Variants in IL5RA observed in about 807,000 individuals in gnomAD.
The protein encoded by IL5RA is interleukin-5 receptor subunit alpha.
IL5RA carries 49 observed loss-of-function variants against 50.0 expected under a neutral mutation model. The observed-to-expected ratio is 0.98, with a 90% CI of 0.78 to 1.24. The LOEUF (loss-of-function observed/expected upper bound fraction) is 1.24. Among genes scored for constraint, IL5RA ranks in the 50% most tolerant of loss-of-function variants. The pLI is 0.00. For missense variants in IL5RA, 600 were observed against 500.4 expected, an observed-to-expected ratio of 1.20 and a Z score of -1.90; for synonymous variants, 202 against 174.0, an observed-to-expected ratio of 1.16 and a Z score of -1.26.
intron 10 of IL5RA, 131 bp from the exon 11 acceptor site, chr3:3,074,997 G>T: frequency 1.6e-6 from 1 of 635,172 alleles, no homozygotes; most frequent in Non-Finnish European, 2.8e-6. Context: ...TACGTACCAA[G>T]ACTTCCAAAA....
intron 9 of IL5RA, among the ~76,000 whole-genome samples, chr3:3,085,549 A>G (rs376333990): frequency 6.6e-5 from 10 of 152,340 alleles, no homozygotes; most frequent in African/African-American, 2.4e-4. Context: ...ACCTTGGCAC[A>G]ATGCAGGCAA....
chr3:3,100,492 C>T (rs1291652615), intron 5 of IL5RA, among the ~76,000 whole-genome samples: 1 of 152,150 alleles, frequency 6.6e-6, no homozygotes, highest in African/African-American at 2.4e-5. Context: ...TTTGTCCATG[C>T]ATTAAATGAC....
At chr3:3,104,447 G>T (rs1351545874) in intron 3 of IL5RA, among the ~76,000 whole-genome samples, 2 of 152,174 alleles carry the variant, frequency 1.3e-5, no homozygotes, top group Admixed American at 1.3e-4. Context: ...ATACAACATT[G>T]TCATTACCAT....
At chr3:3,086,805 A>T (rs1702881386) in intron 9 of IL5RA, among the ~76,000 whole-genome samples, 1 of 152,246 alleles carries the variant, frequency 6.6e-6, no homozygotes, top group Non-Finnish European at 1.5e-5. Flanking sequence ...AAAGATATGG[A>T]ATCCACCTAA....
Position 3,093,496 on chromosome 3 carries a change from T to C in IL5RA, c.856-1134A>G, listed in dbSNP as rs557417938. 7.9e-5 allele frequency among the ~76,000 whole-genome samples: 12 copies of C among 152,370 alleles called. 1 individual carries two copies. The South Asian group carries it at 2.5e-3, about 32-fold the overall frequency. On this transcript the variant is annotated intron_variant, in intron 8 of 11. Coordinates refer to ENST00000446632, the MANE Select transcript of IL5RA (RefSeq NM_175726.4). ...ATTTTTTCTAGCAGATCATTTTTAT[T>C]GTATTTGACAAAAGCACCAATCTAT...
At chr3:3,072,006 A>C (rs1702316453) in intron 11 of IL5RA, among the ~76,000 whole-genome samples, 1 of 152,214 alleles carries the variant, frequency 6.6e-6, no homozygotes, top group Non-Finnish European at 1.5e-5. Flanking sequence ...TCAGAGGTGC[A>C]CATTACCATG....
intron 9 of IL5RA, among the ~76,000 whole-genome samples, chr3:3,080,355 G>C (rs1702621997): frequency 6.6e-6 from 1 of 152,206 alleles, no homozygotes; most frequent in Admixed American, 6.5e-5. Flanking sequence ...GCTAGGAAGT[G>C]CGGAAGCCCA....
chr3:3,106,111 C>A (rs1327804809), intron 2 of IL5RA, among the ~76,000 whole-genome samples: 1 of 152,136 alleles, frequency 6.6e-6, no homozygotes, highest in Non-Finnish European at 1.5e-5. Context: ...AAATAATCTG[C>A]CAAAGATCAA....
rs1484246758 is a variant in IL5RA at position 3,070,140 on chromosome 3, C to T, written c.*85G>A. On this transcript the variant is annotated 3_prime_UTR_variant, in exon 12 of 12. Coordinates refer to ENST00000446632, the MANE Select transcript of IL5RA (RefSeq NM_175726.4). ...TGAGTGTTGCCTAAATTCTGAACAC[C>T]TCTTAGCCAAGAGCCAGCATCCCTG... 1 of 863,504 alleles carries T rather than the reference C, an allele frequency of 1.2e-6. No individual in the cohort carries two copies. The highest frequency in any genetic ancestry group is 1.9e-6 in the Non-Finnish European group (1 of 522,288). 53.5% of individuals were successfully genotyped at this position (863,504 alleles called of 1,614,324 possible).
In IL5RA at chr3:3,095,311, A is replaced by C; in HGVS notation, c.843T>G (p.Asn281Lys). 1.9e-6 allele frequency: 3 copies of C among 1,593,634 alleles called. No individual in the cohort carries two copies. The African/African-American group carries it at 4.0e-5, about 21-fold the overall frequency. ...DYEVKIHNTR[N>K]GYLQIEKLMT... Reference sequence around the variant, plus strand: ...TCTGAGTAATTACCTGCAAATATCCATTCCTTGTATTGTGTATTTTTACTT... The same window carrying C: ...TCTGAGTAATTACCTGCAAATATCCCTTCCTTGTATTGTGTATTTTTACTT... The change falls in exon 8 of 12, where the codon AAT becomes AAG. Residue 281 changes from asparagine (N) to lysine (K), a missense_variant. Coordinates refer to ENST00000446632, the MANE Select transcript of IL5RA (RefSeq NM_175726.4).
rs1574994680 is a variant in IL5RA at position 3,092,028 on chromosome 3, G to C, written c.994+196C>G. 5 of 1,356,574 alleles carry C rather than the reference G, an allele frequency of 3.7e-6. No individual in the cohort carries two copies. Among genetic ancestry groups the C allele is most frequent in the East Asian group, 2.8e-5 (1 of 36,250 alleles). 84.0% of individuals were successfully genotyped at this position (1,356,574 alleles called of 1,614,324 possible). A position where few individuals can be genotyped will look rare whatever the true frequency, so the allele number is the denominator to read the frequency against. On this transcript the variant is annotated intron_variant, in intron 9 of 11. Transcript: ENST00000446632. The surrounding 1 kb of genome is among the most constrained non-coding windows in gnomAD (Gnocchi z 4.2). ...CTAGGAGAGTTGGCGCTAATGAGAA[G>C]CCTAGACACTTAAAAACTTCACTGG...
chr3:3,108,889 A>C (rs17878749), intron 1 of IL5RA, among the ~76,000 whole-genome samples, 198 bp from the exon 2 acceptor site: 4,211 of 152,318 alleles, frequency 0.028, 202 homozygotes, highest in African/African-American at 0.094. Flanking sequence ...TTAACTTCTA[A>C]AACTTTATTT....
chr3:3,070,245 G>C lies in IL5RA; in HGVS notation c.1243C>G (p.Leu415Val), dbSNP rs1463374791. The C allele has an allele frequency of 6.2e-7, 1 of 1,612,236 alleles. No individual in the cohort carries two copies. Among genetic ancestry groups the C allele is most frequent in the Non-Finnish European group, 8.5e-7 (1 of 1,178,564 alleles). ...CYIEKPGVET[L>V]EDSVF is the part of the protein sequence containing the mutation. ...GACAGTCAAAACACAGAATCCTCCAGGGTCTCAACTCCAGGCTTCTCTATA... is the reference window on the plus strand; with the variant it reads ...GACAGTCAAAACACAGAATCCTCCACGGTCTCAACTCCAGGCTTCTCTATA... Residue 415 changes from leucine to valine, a missense_variant, in exon 12 of 12, where the codon CTG becomes GTG. Physicochemically the swap from Leu to Val is conservative, Grantham distance 32 (BLOSUM62 1). Coordinates refer to ENST00000446632, the MANE Select transcript of IL5RA (RefSeq NM_175726.4).
intron 9 of IL5RA, among the ~76,000 whole-genome samples, chr3:3,090,570 CT>C (rs35917277): frequency 1.1e-3 from 130 of 113,626 alleles, no homozygotes; most frequent in Non-Finnish European, 1.4e-3. Flanking sequence ...TCTTTTCTTT[CT>C]TTTTTTTTTT....
chr3:3,069,977 G>T lies in IL5RA; in HGVS notation c.*248C>A, dbSNP rs1040195741. 4.9e-6 allele frequency: 2 copies of T among 405,868 alleles called. No homozygotes were observed. Among genetic ancestry groups the T allele is most frequent in the East Asian group, 9.1e-5 (2 of 21,890 alleles). 25.1% of individuals were successfully genotyped at this position (405,868 alleles called of 1,614,324 possible). A position where few individuals can be genotyped will look rare whatever the true frequency, so the allele number is the denominator to read the frequency against. On this transcript the variant is annotated 3_prime_UTR_variant, in exon 12 of 12. Transcript: ENST00000446632. ...CAGGTGAGGAGGTGCTACCCTGTAC[G>T]GCATGGGGAGAAAAAACATGGCAAA...
chr3:3,108,228 T>G (rs1354559384), intron 2 of IL5RA, among the ~76,000 whole-genome samples: 1 of 152,196 alleles, frequency 6.6e-6, no homozygotes, highest in Non-Finnish European at 1.5e-5. Context: ...CTAGGTATAT[T>G]GCATTACCCC....
intron 3 of IL5RA, among the ~76,000 whole-genome samples, chr3:3,104,483 C>T (rs934669707): frequency 6.6e-6 from 1 of 152,220 alleles, no homozygotes; most frequent in Non-Finnish European, 1.5e-5. Context: ...CAATGCTAGA[C>T]TGGGACCATG....
intron 9 of IL5RA, among the ~76,000 whole-genome samples, chr3:3,089,411 G>T (rs184605811): frequency 1.3e-4 from 20 of 152,336 alleles, no homozygotes; most frequent in African/African-American, 4.8e-4. Context: ...CCTGCTGTGT[G>T]TCAGATCGGA....
At chr3:3,096,088 C>T (rs905432664) in intron 7 of IL5RA, among the ~76,000 whole-genome samples, 1 of 152,024 alleles carries the variant, frequency 6.6e-6, no homozygotes, top group Non-Finnish European at 1.5e-5. Context: ...ACCATCCTGG[C>T]TAACGTGGTG....
Sources: gnomAD v4.1 joint callset for allele counts (sites outside exome capture counted in the v4.1 genomes callset) on GRCh38, gnomAD v4.1.1 for gene constraint, Gnocchi (gnomAD v3.1) non-coding constraint, MANE v1.5 for transcripts, NCBI Gene and HGNC (gene_info 2026-07-23, HGNC 2026-07-21) for gene names.